Variants in RBM26 observed in about 807,000 individuals in gnomAD.
RBM26 encodes the protein RNA-binding protein 26.
In RBM26, 30 loss-of-function variants were observed where a neutral mutation model predicts 123.6. That is an observed-to-expected ratio of 0.24 (90% CI 0.18 to 0.33). RBM26 has a LOEUF of 0.33. Ranked by LOEUF, RBM26 falls within the 10% of genes least tolerant of loss-of-function variation. The probability of loss-of-function intolerance (pLI) is 1.00; values close to 1 mark genes in which losing one functional copy is unlikely to be tolerated. For missense variants in RBM26, 947 were observed against 1,203.6 expected (o/e 0.79, Z 3.15); for synonymous variants, 400 against 404.4 (o/e 0.99, Z 0.13).
intron 20 of RBM26, among the ~76,000 whole-genome samples, chr13:79,327,249 T>A (rs1474598116): frequency 6.8e-6 from 1 of 147,914 alleles, no homozygotes; most frequent in African/African-American, 2.5e-5. Flanking sequence ...TGAGCTGTGA[T>A]CAGACCACTG....
intron 19 of RBM26, among the ~76,000 whole-genome samples, chr13:79,334,724 GCTAA>G (rs1314443012): frequency 7.9e-5 from 12 of 152,190 alleles, no homozygotes; most frequent in East Asian, 3.9e-4. Context: ...GAGCGTTCTT[GCTAA>G]CTAACTTTCC....
At chr13:79,347,173 T>C (rs1384744743) in intron 14 of RBM26, among the ~76,000 whole-genome samples, 1 of 152,200 alleles carries the variant, frequency 6.6e-6, no homozygotes, top group African/African-American at 2.4e-5. Context: ...TTCCTAGAAG[T>C]ATTCCCATTT....
intron 14 of RBM26, among the ~76,000 whole-genome samples, chr13:79,350,330 T>G (rs1426298601): frequency 6.6e-6 from 1 of 152,202 alleles, no homozygotes; most frequent in African/African-American, 2.4e-5. Flanking sequence ...TTACGCAGTT[T>G]GCCTTCTTAG....
In RBM26 at chr13:79,377,530, A is replaced by C. The variant is rs775795107; in HGVS notation, c.191-15T>G. 1.1e-5 allele frequency: 18 copies of C among 1,590,480 alleles called. No homozygotes were observed. Among genetic ancestry groups the C allele is most frequent in the Non-Finnish European group, 1.6e-5 (18 of 1,160,246 alleles). The stretch of plus-strand genomic sequence containing the variant: ...TATCTGTGTCTCTAAAAATAAAACC[A>C]AACACCATAGATTAAAACACATTTG... On this transcript the variant is annotated splice_polypyrimidine_tract_variant and intron_variant, in intron 2 of 21. Transcript: ENST00000438737.
At chr13:79,317,907 A>C (rs769352412), downstream of RBM26, among the ~76,000 whole-genome samples, 3 of 151,684 alleles carry the variant, frequency 2.0e-5, no homozygotes, top group Non-Finnish European at 3.0e-5. Context: ...TTCATTCATT[A>C]ATTCATCCAA....
chr13:79,331,268 T>C (rs1466570177), intron 20 of RBM26, among the ~76,000 whole-genome samples: 1 of 151,560 alleles, frequency 6.6e-6, no homozygotes, highest in Non-Finnish European at 1.5e-5. Flanking sequence ...CCTCCCAAAG[T>C]GGTGGGATTA....
rs142739898 is a variant in RBM26 at position 79,322,122 on chromosome 13, A to G, written c.2934+227T>C. On this transcript the variant is annotated intron_variant, in intron 21 of 21. Transcript: ENST00000438737. The stretch of plus-strand genomic sequence containing the variant: ...TCATTGTCTCTAAGGGTAAATAAAA[A>G]TTGAGTATATATATATGATTTTCAT... Among the ~76,000 whole-genome samples the G allele has an allele frequency of 1.9e-3, 295 of 151,624 alleles. 1 individual carries two copies. Among genetic ancestry groups the G allele is most frequent in the African/African-American group, 6.9e-3 (286 of 41,506 alleles).
At chr13:79,375,095 T>TGA (rs2076547684) in intron 3 of RBM26, among the ~76,000 whole-genome samples, 1 of 98,262 alleles carries the variant, frequency 1.0e-5, no homozygotes, top group African/African-American at 4.0e-5. Context: ...TAAATATATA[T>TGA]TTATATATAT....
chr13:79,324,692 C>T (rs1378865647), intron 20 of RBM26, among the ~76,000 whole-genome samples: 1 of 151,144 alleles, frequency 6.6e-6, no homozygotes, highest in Non-Finnish European at 1.5e-5. Context: ...AAAGCCCTCT[C>T]AATATTAAGA....
chr13:79,404,137 A>T (rs1566623101), intron 1 of RBM26, among the ~76,000 whole-genome samples: 1 of 152,188 alleles, frequency 6.6e-6, no homozygotes. Context: ...ACTTAGCTGT[A>T]TCCCACAGAC....
At chr13:79,363,085 A>G (rs1010725610) in intron 9 of RBM26, among the ~76,000 whole-genome samples, 2 of 152,180 alleles carry the variant, frequency 1.3e-5, no homozygotes, top group Admixed American at 6.5e-5. Context: ...CCACCTCCTT[A>G]GAACTCTGCA....
At chr13:79,341,285 A>G in intron 17 of RBM26, 58 bp from the exon 18 acceptor site, 1 of 1,094,402 alleles carries the variant, frequency 9.1e-7, no homozygotes, top group Non-Finnish European at 1.3e-6. Context: ...TATTGATACA[A>G]ACCTTTTTAA....
chr13:79,402,024 G>C (rs1353996301), intron 1 of RBM26, among the ~76,000 whole-genome samples: 1 of 103,482 alleles, frequency 9.7e-6, no homozygotes, highest in Non-Finnish European at 2.1e-5. Flanking sequence ...TGTCTCTTCA[G>C]GAAAAAAAAA....
At chr13:79,332,471 ATT>A (rs2069594600) in intron 20 of RBM26, among the ~76,000 whole-genome samples, 1 of 152,138 alleles carries the variant, frequency 6.6e-6, no homozygotes, top group Non-Finnish European at 1.5e-5. Flanking sequence ...CTTCAACTTA[ATT>A]TTCTATTCTT....
chr13:79,316,083 TAAG>T (rs886687535), downstream of RBM26, among the ~76,000 whole-genome samples: 2 of 151,708 alleles, frequency 1.3e-5, no homozygotes, highest in African/African-American at 4.8e-5. Context: ...CAGTATTTTA[TAAG>T]AACAAGAAAA....
chr13:79,355,118 G>C, intron 12 of RBM26, 102 bp downstream of exon 12: 1 of 1,029,438 alleles, frequency 9.7e-7, no homozygotes, highest in Non-Finnish European at 1.5e-6. Context: ...CAGAACCAGG[G>C]TATGAACTCA....
At chr13:79,368,542 T>C (rs1049126662) in intron 6 of RBM26, among the ~76,000 whole-genome samples, 188 bp downstream of exon 6, 1 of 152,228 alleles carries the variant, frequency 6.6e-6, no homozygotes, top group Non-Finnish European at 1.5e-5. Context: ...ATACTACCTT[T>C]AAATTGATAA....
intron 9 of RBM26, among the ~76,000 whole-genome samples, chr13:79,362,257 G>A (rs1171190040): frequency 6.6e-6 from 1 of 152,110 alleles, no homozygotes; most frequent in Non-Finnish European, 1.5e-5. Flanking sequence ...CAGGAAACGG[G>A]TGTCTAATTT....
At chr13:79,388,252 C>T (rs1209831601) in intron 1 of RBM26, among the ~76,000 whole-genome samples, 1 of 152,204 alleles carries the variant, frequency 6.6e-6, no homozygotes, top group Non-Finnish European at 1.5e-5. Context: ...TGTACCACCA[C>T]GTCTGGCTAA....
Sources: gnomAD v4.1 joint callset for allele counts (sites outside exome capture counted in the v4.1 genomes callset) on GRCh38, gnomAD v4.1.1 for gene constraint, MANE v1.5 for transcripts, NCBI Gene and HGNC (gene_info 2026-07-23, HGNC 2026-07-21) for gene names.